The following MUSK variants were observed in gnomAD, a reference collection of about 807,000 sequenced individuals.
MUSK encodes the protein muscle associated receptor tyrosine kinase, also known as muscle, skeletal receptor tyrosine-protein kinase.
A neutral mutation model predicts 88.7 loss-of-function variants in MUSK; 55 were observed. That is an observed-to-expected ratio of 0.62 (90% CI 0.50 to 0.78). The LOEUF (loss-of-function observed/expected upper bound fraction) is 0.78, where lower values mean the gene tolerates loss of function less well. Among genes scored for constraint, MUSK ranks in the 30% least tolerant of loss-of-function variants. The pLI, the probability that MUSK is intolerant of heterozygous loss-of-function variation, is 0.00. For synonymous variants in MUSK, 387 were observed against 391.9 expected, an observed-to-expected ratio of 0.99 and a Z score of 0.15; for missense variants, 1,015 against 1,074.3, an observed-to-expected ratio of 0.94 and a Z score of 0.77.
chr9:110,761,864 G>A lies in MUSK; in HGVS notation c.914-338G>A, dbSNP rs912312163. 1.3e-5 allele frequency: 13 copies of A among 981,000 alleles called. No homozygotes were observed. The African/African-American group carries it at 1.9e-4, about 15-fold the overall frequency. 60.8% of individuals were successfully genotyped at this position (981,000 alleles called of 1,614,324 possible). A position where few individuals can be genotyped will look rare whatever the true frequency, so the allele number is the denominator to read the frequency against. Reference sequence around the variant, plus strand: ...GCTGGGATTACAGGCGTGAGCCACCGCGCCCGGCCCACATCTTGATTTCTT... The same window carrying A: ...GCTGGGATTACAGGCGTGAGCCACCACGCCCGGCCCACATCTTGATTTCTT... On this transcript the variant is annotated intron_variant, in intron 7 of 14. Transcript: ENST00000374448.
Position 110,734,929 on chromosome 9 carries a change from C to T in MUSK, c.753+554C>T, listed in dbSNP as rs147520236. On this transcript the variant is annotated intron_variant, in intron 6 of 14. Transcript: ENST00000374448. ...AACACTATTCTAGGCCCTGTGGATA[C>T]AGGAGTAAACAAAACAGGCAAAGTT... Among the ~76,000 whole-genome samples the T allele has an allele frequency of 3.0e-3, 449 of 152,142 alleles. 4 individuals carry two copies. Among genetic ancestry groups the T allele is most frequent in the African/African-American group, 9.6e-3 (397 of 41,506 alleles).
chr9:110,730,073 G>A (rs1256592627), intron 5 of MUSK, among the ~76,000 whole-genome samples: 1 of 152,030 alleles, frequency 6.6e-6, no homozygotes, highest in African/African-American at 2.4e-5. Context: ...TTTTAGAATT[G>A]CTGGCTTCTT....
chr9:110,785,529 A>T lies in MUSK; in HGVS notation c.1589A>T (p.Glu530Val). 1 of 1,601,728 alleles carries T rather than the reference A, an allele frequency of 6.2e-7. No homozygotes were observed. Among genetic ancestry groups the T allele is most frequent in the East Asian group, 2.2e-5 (1 of 44,552 alleles). ...GATCTTGCCTGTCTTGCCTGCAGAG[A>T]ATCAGCAGCAGTAACCCTCACCACA... ...RRKQWKNKKR[E>V]SAAVTLTTLP... is the part of the protein sequence containing the mutation. Residue 530 changes from glutamate to valine, a missense_variant and splice_region_variant, in exon 13 of 15, where the codon GAA becomes GTA. Coordinates refer to ENST00000374448, the MANE Select transcript of MUSK (RefSeq NM_005592.4).
chr9:110,753,707 A>C (rs2077276990), intron 7 of MUSK, among the ~76,000 whole-genome samples: 1 of 152,128 alleles, frequency 6.6e-6, no homozygotes, highest in Admixed American at 6.5e-5. Context: ...TTTGGTCACT[A>C]AATTTAAAAG....
intron 3 of MUSK, among the ~76,000 whole-genome samples, chr9:110,689,223 A>G (rs1386195603): frequency 2.0e-5 from 1 of 50,120 alleles, no homozygotes; most frequent in Non-Finnish European, 3.3e-5. Context: ...ATAATATATA[A>G]TATATAAATA....
intron 5 of MUSK, among the ~76,000 whole-genome samples, chr9:110,733,952 T>A (rs533774646): frequency 6.6e-6 from 1 of 152,038 alleles, no homozygotes; most frequent in Non-Finnish European, 1.5e-5. Context: ...GAGACTTGAA[T>A]GATTCAAGGA....
At chr9:110,780,535 A>T (rs1381600593) in intron 11 of MUSK, among the ~76,000 whole-genome samples, 1 of 152,236 alleles carries the variant, frequency 6.6e-6, no homozygotes, top group Admixed American at 6.5e-5. Context: ...CTTAGAAGGG[A>T]AAGTGTCTTG....
intron 5 of MUSK, among the ~76,000 whole-genome samples, chr9:110,707,878 T>A (rs1304562463): frequency 9.9e-5 from 15 of 152,102 alleles, no homozygotes; most frequent in African/African-American, 3.4e-4. Flanking sequence ...AGGCAAGTCA[T>A]ATGGAGAATT....
intron 3 of MUSK, among the ~76,000 whole-genome samples, chr9:110,689,599 CAT>C (rs1465934270): frequency 1.4e-5 from 1 of 71,060 alleles, no homozygotes; most frequent in African/African-American, 5.5e-5. Flanking sequence ...TAATATATAA[CAT>C]ATTATATATT....
intron 11 of MUSK, among the ~76,000 whole-genome samples, 184 bp downstream of exon 11, chr9:110,776,839 T>C (rs2077679332): frequency 6.6e-6 from 1 of 152,180 alleles, no homozygotes; most frequent in Non-Finnish European, 1.5e-5. Flanking sequence ...TTTATAACTT[T>C]TAATTAGACC....
chr9:110,772,450 G>A (rs1256130785), intron 9 of MUSK, among the ~76,000 whole-genome samples: 1 of 151,098 alleles, frequency 6.6e-6, no homozygotes, highest in Non-Finnish European at 1.5e-5. Context: ...AGTTTTATTG[G>A]GAAAATGTTA....
intron 7 of MUSK, chr9:110,761,914 T>C (rs2077407867): frequency 2.0e-6 from 2 of 985,312 alleles, no homozygotes; most frequent in Non-Finnish European, 2.4e-6. Flanking sequence ...GGGTAGCTAA[T>C]GGAGGGAAAT....
intron 9 of MUSK, among the ~76,000 whole-genome samples, chr9:110,773,891 T>C (rs2077621709): frequency 6.6e-6 from 1 of 152,196 alleles, no homozygotes; most frequent in Admixed American, 6.5e-5. Context: ...TTTCTTTAAT[T>C]GTTGAGATTC....
At chr9:110,782,735 GA>G (rs2077781838) in intron 11 of MUSK, among the ~76,000 whole-genome samples, 1 of 152,154 alleles carries the variant, frequency 6.6e-6, no homozygotes, top group Admixed American at 6.5e-5. Context: ...CTTAGATCGA[GA>G]AAACTTGGGA....
intron 11 of MUSK, among the ~76,000 whole-genome samples, chr9:110,778,005 C>T (rs2077696825): frequency 6.6e-6 from 1 of 152,110 alleles, no homozygotes; most frequent in African/African-American, 2.4e-5. Flanking sequence ...AATAGTGGAG[C>T]AAAGAAAACA....
intron 11 of MUSK, among the ~76,000 whole-genome samples, chr9:110,779,896 C>G (rs1280272130): frequency 6.6e-6 from 1 of 152,122 alleles, no homozygotes; most frequent in East Asian, 1.9e-4. Context: ...TTATATGAAG[C>G]TCTTTACCAA....
At chr9:110,712,070 T>C (rs909996424) in intron 5 of MUSK, among the ~76,000 whole-genome samples, 1 of 152,004 alleles carries the variant, frequency 6.6e-6, no homozygotes, top group Non-Finnish European at 1.5e-5. Flanking sequence ...AATGGGTCTG[T>C]CCTTGGGATT....
At chr9:110,785,280 T>C (rs1222758808) in intron 12 of MUSK, among the ~76,000 whole-genome samples, 1 of 152,224 alleles carries the variant, frequency 6.6e-6, no homozygotes. Context: ...CTATTCCTGC[T>C]CCTTGTCTTC....
chr9:110,688,615 C>T (rs2076228643), intron 3 of MUSK, among the ~76,000 whole-genome samples: 1 of 151,968 alleles, frequency 6.6e-6, no homozygotes, highest in Non-Finnish European at 1.5e-5. Flanking sequence ...TTCTCCCTCC[C>T]CACACCAACA....
Sources: gnomAD v4.1 joint callset for allele counts (sites outside exome capture counted in the v4.1 genomes callset) on GRCh38, gnomAD v4.1.1 for gene constraint, MANE v1.5 for transcripts, NCBI Gene and HGNC (gene_info 2026-07-23, HGNC 2026-07-21) for gene names.